CTBP2: variants seen among roughly 807,000 people sequenced by gnomAD.
The protein encoded by CTBP2 is C-terminal-binding protein 2.
CTBP2 carries 30 observed loss-of-function variants against 80.3 expected under a neutral mutation model. The ratio of observed to expected loss-of-function variants is 0.37; its 90% CI spans 0.28 to 0.51. The LOEUF is 0.51. CTBP2 is among the 20% of genes least tolerant of loss of function. The pLI is 0.93. For synonymous variants in CTBP2, 594 were observed against 587.4 expected (o/e 1.01, Z -0.16); for missense variants, 1,212 against 1,375.3 (o/e 0.88, Z 1.88).
chr10:125,126,380 T>C (rs1855256589), intron 1 of CTBP2, among the ~76,000 whole-genome samples: 1 of 152,006 alleles, frequency 6.6e-6, no homozygotes, highest in South Asian at 2.1e-4. Flanking sequence ...ACATCAAGAG[T>C]TAAGGGGCTT....
intron 1 of CTBP2, among the ~76,000 whole-genome samples, chr10:125,131,764 C>A (rs879399581): frequency 2.6e-5 from 4 of 152,218 alleles, no homozygotes; most frequent in Non-Finnish European, 5.9e-5. Flanking sequence ...CCTCCCCTAG[C>A]ACCTAGGCAT....
intron 1 of CTBP2, among the ~76,000 whole-genome samples, chr10:125,121,427 C>T (rs2136035518): frequency 6.6e-6 from 1 of 152,292 alleles, no homozygotes; most frequent in African/African-American, 2.4e-5. Context: ...GAATTATGAA[C>T]CCAAACCTCA....
chr10:125,078,742 C>G (rs1434129976), intron 2 of CTBP2, among the ~76,000 whole-genome samples: 3 of 152,150 alleles, frequency 2.0e-5, no homozygotes, highest in Non-Finnish European at 4.4e-5. Flanking sequence ...ACTCATGACT[C>G]TCACCCAGGG....
At chr10:125,160,025 A>G (rs1326642628) in intron 1 of CTBP2, 11 of 144,702 alleles carry the variant, frequency 7.6e-5, no homozygotes, top group African/African-American at 2.3e-4. Flanking sequence ...ATCAACTCTC[A>G]TCACAACAAC....
intron 8 of CTBP2, among the ~76,000 whole-genome samples, chr10:124,991,484 G>A (rs1279201957): frequency 2.0e-5 from 3 of 152,204 alleles, no homozygotes; most frequent in Non-Finnish European, 4.4e-5. Context: ...AAAAGGACGG[G>A]GCTGGATGAA....
At chr10:125,153,165 G>C (rs1311874814) in intron 1 of CTBP2, among the ~76,000 whole-genome samples, 1 of 152,222 alleles carries the variant, frequency 6.6e-6, no homozygotes, top group African/African-American at 2.4e-5. Flanking sequence ...GACAATGTTG[G>C]GCTTCCCAGG....
At chr10:125,158,311 A>G (rs1339488906) in intron 1 of CTBP2, among the ~76,000 whole-genome samples, 1 of 152,230 alleles carries the variant, frequency 6.6e-6, no homozygotes, top group African/African-American at 2.4e-5. Context: ...AACACCTAGT[A>G]GAGAAAGCTA....
chr10:125,055,266 A>G, intron 2 of CTBP2, among the ~76,000 whole-genome samples: 1 of 152,210 alleles, frequency 6.6e-6, no homozygotes. Context: ...TCAGGGCACA[A>G]ACACAGCCGC....
chr10:125,012,854 A>G (rs1410872312), intron 1 of CTBP2, among the ~76,000 whole-genome samples: 1 of 152,156 alleles, frequency 6.6e-6, no homozygotes, highest in Non-Finnish European at 1.5e-5. Context: ...TGCTGGGATT[A>G]CAGGCATGAG....
intron 2 of CTBP2, among the ~76,000 whole-genome samples, chr10:125,057,294 G>T (rs914135079): frequency 1.3e-5 from 2 of 152,184 alleles, no homozygotes; most frequent in Non-Finnish European, 2.9e-5. Context: ...TGGGATTTAC[G>T]TGGCTGGGAT....
chr10:125,056,915 G>A (rs1338536092), intron 2 of CTBP2, among the ~76,000 whole-genome samples: 2 of 152,202 alleles, frequency 1.3e-5, no homozygotes, highest in Non-Finnish European at 2.9e-5. Context: ...GCTCTGGAAG[G>A]TTCTCTCCGA....
intron 1 of CTBP2, among the ~76,000 whole-genome samples, chr10:125,134,398 C>T (rs989653437): frequency 6.5e-4 from 99 of 152,264 alleles, no homozygotes; most frequent in Non-Finnish European, 1.9e-4. Context: ...AAAGGAAGGT[C>T]CATGACTCTG....
At chr10:125,058,711 A>G (rs1964429186) in intron 2 of CTBP2, among the ~76,000 whole-genome samples, 1 of 152,084 alleles carries the variant, frequency 6.6e-6, no homozygotes, top group East Asian at 1.9e-4. Context: ...CCCGGCCAAC[A>G]TGACGAAACC....
rs544232335 is a variant in CTBP2 at position 125,114,676 on chromosome 10, G to T, written c.-205-3583C>A. Among the ~76,000 whole-genome samples the T allele has an allele frequency of 8.6e-4, 131 of 152,272 alleles. No homozygotes were observed. The Middle Eastern group carries it at 0.024, about 28-fold the overall frequency. The stretch of plus-strand genomic sequence containing the variant: ...GAGCCCTAAAAAGGTCTTGATGGGG[G>T]CGTCTGAGAAACTCTGGTGTGGCTC... On this transcript the variant is annotated intron_variant, in intron 1 of 10. Coordinates refer to the CTBP2 transcript ENST00000337195.
At chr10:125,141,955 A>G (rs919839494) in intron 1 of CTBP2, among the ~76,000 whole-genome samples, 1 of 152,098 alleles carries the variant, frequency 6.6e-6, no homozygotes, top group African/African-American at 2.4e-5. Flanking sequence ...GCCAGCGGCT[A>G]TGGCGGACGA....
intron 2 of CTBP2, among the ~76,000 whole-genome samples, chr10:125,099,956 A>C (rs1850354282): frequency 6.6e-6 from 1 of 152,168 alleles, no homozygotes; most frequent in Non-Finnish European, 1.5e-5. Flanking sequence ...CACCAGAAAA[A>C]ACAGCCTTAA....
At chr10:125,100,709 T>C (rs906248367) in intron 2 of CTBP2, 1 of 152,174 alleles carries the variant, frequency 6.6e-6, no homozygotes, top group African/African-American at 2.4e-5. Flanking sequence ...CTAAAATTAA[T>C]AGATGCAGAG....
intron 2 of CTBP2, among the ~76,000 whole-genome samples, chr10:125,071,826 T>C (rs1269163474): frequency 1.3e-5 from 2 of 152,098 alleles, no homozygotes; most frequent in Admixed American, 1.3e-4. Context: ...AAGCAGACCC[T>C]GCACCTTTGC....
chr10:125,012,038 C>T (rs1028022299), intron 1 of CTBP2, among the ~76,000 whole-genome samples: 21 of 152,258 alleles, frequency 1.4e-4, no homozygotes, highest in African/African-American at 5.1e-4. Context: ...TGAATGCAGA[C>T]ACTGCTGACT....
Sources: allele counts gnomAD v4.1 joint callset (sites outside exome capture counted in the v4.1 genomes callset), GRCh38; gene constraint gnomAD v4.1.1; transcripts MANE v1.5; gene names NCBI Gene and HGNC (gene_info 2026-07-23, HGNC 2026-07-21).